NINL: variants seen among roughly 807,000 people sequenced by gnomAD.
NINL encodes the protein ninein-like protein.
NINL carries 153 observed loss-of-function variants against 160.3 expected under a neutral mutation model. The observed-to-expected ratio is 0.95, with a 90% CI of 0.84 to 1.09. The LOEUF is 1.09. Among genes scored for constraint, NINL ranks in the 50% least tolerant of loss-of-function variants. The pLI is 0.00. For synonymous variants in NINL, 800 were observed against 734.8 expected (o/e 1.09, Z -1.43); for missense variants, 1,829 against 1,764.0 (o/e 1.04, Z -0.66).
At chr20:25,539,361 G>A (rs1045529490) in intron 1 of NINL, among the ~76,000 whole-genome samples, 6 of 152,224 alleles carry the variant, frequency 3.9e-5, no homozygotes, top group African/African-American at 9.6e-5. Context: ...CCCATACCTC[G>A]CTGTGAGGCC....
intron 1 of NINL, among the ~76,000 whole-genome samples, chr20:25,564,141 TTTTTTTC>T (rs2064974368): frequency 6.6e-6 from 1 of 151,646 alleles, no homozygotes; most frequent in Admixed American, 6.6e-5. Flanking sequence ...GTGGCTTTTT[TTTTTTTC>T]TTTTTTCTTT....
intron 10 of NINL, among the ~76,000 whole-genome samples, chr20:25,495,389 CTT>C (rs2063731290): frequency 6.6e-6 from 1 of 152,230 alleles, no homozygotes; most frequent in Non-Finnish European, 1.5e-5. Flanking sequence ...GCGCATAGCT[CTT>C]CTTTGCTAGC....
chr20:25,580,750 G>A (rs2065165418), intron 1 of NINL, among the ~76,000 whole-genome samples: 1 of 152,216 alleles, frequency 6.6e-6, no homozygotes, highest in Non-Finnish European at 1.5e-5. Context: ...GCTCAAAGTT[G>A]CCCCAAGGTG....
intron 7 of NINL, among the ~76,000 whole-genome samples, 172 bp downstream of exon 7, chr20:25,503,780 C>T (rs1318847754): frequency 3.3e-5 from 5 of 152,254 alleles, no homozygotes; most frequent in East Asian, 3.8e-4. Context: ...ATCTATGTGG[C>T]TCCAGAATCT....
At chr20:25,538,142 C>A (rs979417301) in intron 1 of NINL, among the ~76,000 whole-genome samples, 1 of 152,162 alleles carries the variant, frequency 6.6e-6, no homozygotes, top group Non-Finnish European at 1.5e-5. Flanking sequence ...ACATGTGTCA[C>A]CGAGTGAAGG....
intron 6 of NINL, 65 bp downstream of exon 6, chr20:25,504,823 G>C: frequency 6.4e-7 from 1 of 1,557,508 alleles, no homozygotes; most frequent in East Asian, 2.2e-5. Context: ...GGGGTTTCCA[G>C]ACCCAACACT....
At chr20:25,458,335 AC>A (rs1442900429) in intron 22 of NINL, 47 bp downstream of exon 22, 2 of 1,599,612 alleles carry the variant, frequency 1.3e-6, no homozygotes, top group African/African-American at 2.7e-5. Context: ...GGCCCGCCTC[AC>A]CCTCCTCCTC....
chr20:25,549,465 G>A (rs1420351967), intron 1 of NINL, among the ~76,000 whole-genome samples: 2 of 152,232 alleles, frequency 1.3e-5, no homozygotes, highest in African/African-American at 2.4e-5. Context: ...ATCCAAGCTC[G>A]TCCCAGACAC....
intron 10 of NINL, among the ~76,000 whole-genome samples, chr20:25,495,087 C>G (rs1357691544): frequency 2.0e-5 from 3 of 152,176 alleles, no homozygotes; most frequent in African/African-American, 4.8e-5. Context: ...CTGGTGCACA[C>G]AGGAGACACA....
intron 14 of NINL, among the ~76,000 whole-genome samples, chr20:25,481,342 A>G (rs148335689): frequency 1.3e-5 from 2 of 152,184 alleles, no homozygotes; most frequent in East Asian, 3.9e-4. Context: ...CCATCCTCCA[A>G]AGGGAGCACC....
intron 1 of NINL, among the ~76,000 whole-genome samples, chr20:25,576,280 C>T (rs914106987): frequency 6.6e-6 from 1 of 152,088 alleles, no homozygotes; most frequent in African/African-American, 2.4e-5. Context: ...CTGGTGTCTG[C>T]ACAATTAGAT....
chr20:25,471,846 A>T (rs2063102460), intron 17 of NINL, among the ~76,000 whole-genome samples: 1 of 152,206 alleles, frequency 6.6e-6, no homozygotes, highest in African/African-American at 2.4e-5. Context: ...ATTCCCAGAG[A>T]TTAACATCAA....
At chr20:25,562,249 A>G (rs2064952410) in intron 1 of NINL, among the ~76,000 whole-genome samples, 1 of 113,738 alleles carries the variant, frequency 8.8e-6, no homozygotes, top group African/African-American at 3.4e-5. Context: ...CCCTACTGGG[A>G]AGTGAGGAGC....
intron 15 of NINL, 121 bp from the exon 16 acceptor site, chr20:25,479,327 C>T (rs1193331032): frequency 1.6e-5 from 21 of 1,319,496 alleles, no homozygotes; most frequent in Middle Eastern, 1.9e-4. Flanking sequence ...CCTGGCCTGC[C>T]GAGGTGCCAG....
chr20:25,569,020 A>G (rs1003929103), intron 1 of NINL, among the ~76,000 whole-genome samples: 2 of 151,704 alleles, frequency 1.3e-5, no homozygotes, highest in Non-Finnish European at 2.9e-5. Context: ...ACTTGAGGTC[A>G]GGAGTTTCTG....
intron 17 of NINL, among the ~76,000 whole-genome samples, chr20:25,475,540 G>A (rs2063210056): frequency 1.3e-5 from 2 of 152,200 alleles, no homozygotes; most frequent in African/African-American, 4.8e-5. Context: ...ATTGTTTAAT[G>A]GGTATACAGC....
chr20:25,489,360 C>T (rs1178173581), intron 12 of NINL, 36 bp from the exon 13 acceptor site: 2 of 1,598,066 alleles, frequency 1.3e-6, no homozygotes, highest in Non-Finnish European at 1.7e-6. Flanking sequence ...ACGGGTGGGC[C>T]TCGGGCCAGA....
chr20:25,581,562 A>G (rs1421046733), intron 1 of NINL, among the ~76,000 whole-genome samples: 1 of 152,238 alleles, frequency 6.6e-6, no homozygotes, highest in Non-Finnish European at 1.5e-5. Context: ...AAAAACTTAA[A>G]AAGAGTCATT....
intron 18 of NINL, 32 bp from the exon 19 acceptor site, chr20:25,467,490 A>C (rs984818877): frequency 6.5e-7 from 1 of 1,541,104 alleles, no homozygotes; most frequent in East Asian, 2.2e-5. Context: ...CAGTGATACC[A>C]CTTGTGACCA....
Sources: gnomAD v4.1 joint callset for allele counts (sites outside exome capture counted in the v4.1 genomes callset) on GRCh38, gnomAD v4.1.1 for gene constraint, MANE v1.5 for transcripts, NCBI Gene and HGNC (gene_info 2026-07-23, HGNC 2026-07-21) for gene names.